CYP2S1: variants seen among roughly 807,000 people sequenced by gnomAD.
CYP2S1 encodes cytochrome P450 2S1.
In CYP2S1, 32 loss-of-function variants were observed where a neutral mutation model predicts 43.5. That is an observed-to-expected ratio of 0.74 (90% confidence interval 0.56 to 0.99). CYP2S1 has a LOEUF of 0.99. Ranked by LOEUF, CYP2S1 falls within the 50% of genes least tolerant of loss-of-function variation. CYP2S1 has a pLI of 0.00. For synonymous variants in CYP2S1, 283 were observed against 302.9 expected (o/e 0.93, Z 0.68); for missense variants, 575 against 673.9 (o/e 0.85, Z 1.62).
intron 1 of CYP2S1, 147 bp downstream of exon 1, chr19:41,193,588 T>C: frequency 7.6e-7 from 1 of 1,320,584 alleles, no homozygotes; most frequent in Non-Finnish European, 9.6e-7. Flanking sequence ...TGTCCTGGGG[T>C]TGGGGGCAGG....
intron 6 of CYP2S1, 53 bp downstream of exon 6, chr19:41,201,425 G>A: frequency 6.3e-7 from 1 of 1,590,306 alleles, no homozygotes; most frequent in South Asian, 1.1e-5. Context: ...AGGGTTCTAG[G>A]CTGAGCAAGG....
In CYP2S1 at chr19:41,198,952, A is replaced by C; in HGVS notation, c.834+64A>C. 2 of 1,548,710 alleles carry C rather than the reference A, an allele frequency of 1.3e-6. No individual in the cohort carries two copies. The highest frequency in any genetic ancestry group is 2.3e-5 in the East Asian group (1 of 43,976). ...GTGGTGACCTGGCAGGTCCCCAGCC[A>C]GGTGTCCCTGGGGACCTCAATTGGG... On this transcript the variant is annotated intron_variant, in intron 5 of 8. Coordinates refer to ENST00000310054, the MANE Select transcript of CYP2S1 (RefSeq NM_030622.8). The surrounding 1 kb of genome is among the most constrained non-coding windows in gnomAD (Gnocchi z 4.9).
At position 41,193,349 on chromosome 19, in the gene CYP2S1, C is replaced by G; in HGVS notation, c.85C>G (p.Arg29Gly). 6.5e-7 allele frequency: 1 copy of G among 1,536,774 alleles called. No homozygotes were observed. The highest frequency in any genetic ancestry group is 2.5e-5 in the East Asian group (1 of 39,972). ...GCTGGCGCTGTCCGGGACCAGGGCC[C>G]GAGGCCACCTGCCCCCCGGGCCCAC... ...LTLALSGTRA[R>G]GHLPPGPTPL... Residue 29 changes from arginine to glycine, a missense_variant, in exon 1 of 9, where the codon CGA becomes GGA. Arg to Gly is a moderately radical substitution (Grantham distance 125). Coordinates refer to ENST00000310054, the MANE Select transcript of CYP2S1 (RefSeq NM_030622.8).
chr19:41,200,223 A>G (rs1433789195), intron 5 of CYP2S1, among the ~76,000 whole-genome samples: 1 of 152,104 alleles, frequency 6.6e-6, no homozygotes, highest in Non-Finnish European at 1.5e-5. Flanking sequence ...CATAACGTTT[A>G]CCATCTTAAC....
Position 41,203,467 on chromosome 19 carries a change from C to A in CYP2S1, c.994C>A (p.Leu332Met). 2 of 1,607,716 alleles carry A rather than the reference C, an allele frequency of 1.2e-6. No individual in the cohort carries two copies. The highest frequency in any genetic ancestry group is 3.4e-5 in the Admixed American group (2 of 59,312). ...PHVQKWVREE[L>M]NRELGAGQAP... ...GCTTGCAGAGTGGGTACGTGAGGAG[C>A]TGAATCGGGAGCTGGGGGCTGGCCA... Residue 332 changes from leucine (L) to methionine (M), a missense_variant, in exon 7 of 9, where the codon CTG becomes ATG. Transcript: ENST00000310054.
At chr19:41,204,592 CTTTT>C (rs553640679) in intron 7 of CYP2S1, among the ~76,000 whole-genome samples, 8 of 109,026 alleles carry the variant, frequency 7.3e-5, no homozygotes, top group Admixed American at 1.9e-4. Context: ...TCTTCTTCTT[CTTTT>C]TTTTTTTTTT....
In CYP2S1 at chr19:41,198,321, C is replaced by T. The variant is rs993982302; in HGVS notation, c.494-141C>T. 1.7e-5 allele frequency: 18 copies of T among 1,085,308 alleles called. No homozygotes were observed. In the Middle Eastern group the frequency reaches 8.2e-4, roughly 49 times the overall value. The allele number at this position is 1,085,308 out of a possible 1,614,324, so 67.2% of individuals were successfully genotyped here. On this transcript the variant is annotated intron_variant, in intron 3 of 8. Transcript: ENST00000310054. The surrounding 1 kb of genome is among the most constrained non-coding windows in gnomAD (Gnocchi z 4.9). ...TCTGTCCCTATCTGTCTGTATCCTTCTTTGCCTGTTTAGCTCTCTCCCTGC... is the reference window on the plus strand; with the variant it reads ...TCTGTCCCTATCTGTCTGTATCCTTTTTTGCCTGTTTAGCTCTCTCCCTGC...
intron 7 of CYP2S1, among the ~76,000 whole-genome samples, chr19:41,205,481 T>C (rs1052197584): frequency 6.7e-6 from 1 of 150,278 alleles, no homozygotes; most frequent in Non-Finnish European, 1.5e-5. Flanking sequence ...CTTCCTTTCT[T>C]CCTTCCTCCC....
chr19:41,206,690 A>C lies in CYP2S1; in HGVS notation c.*202A>C, dbSNP rs1176175998. On this transcript the variant is annotated 3_prime_UTR_variant, in exon 9 of 9. Coordinates refer to ENST00000310054, the MANE Select transcript of CYP2S1 (RefSeq NM_030622.8). ...GATGCACAACCGCACACCCATACAC[A>C]ACTACAAGGGCCACAAAGCAACTGC... 2.5e-6 allele frequency: 2 copies of C among 786,270 alleles called. No individual in the cohort carries two copies. The highest frequency in any genetic ancestry group is 4.6e-6 in the Non-Finnish European group (2 of 438,548). The allele number at this position is 786,270 out of a possible 1,614,324, so 48.7% of individuals were successfully genotyped here. A position where few individuals can be genotyped will look rare whatever the true frequency, so the allele number is the denominator to read the frequency against.
At position 41,206,810 on chromosome 19, in the gene CYP2S1, C is replaced by T. The variant is rs750650298; in HGVS notation, c.*322C>T. On this transcript the variant is annotated 3_prime_UTR_variant, in exon 9 of 9. Transcript: ENST00000310054. ...AACTCCCCTGGATCTGCAGCCCACA[C>T]GTGGGAGTCTGGCTGTCACCTTCAC... The T allele has an allele frequency of 8.0e-5, 43 of 535,638 alleles. No homozygotes were observed. Among genetic ancestry groups the T allele is most frequent in the Non-Finnish European group, 1.2e-4 (33 of 278,366 alleles). 33.2% of individuals were successfully genotyped at this position (535,638 alleles called of 1,614,324 possible).
chr19:41,196,809 T>C (rs2033418616), intron 2 of CYP2S1, among the ~76,000 whole-genome samples: 1 of 152,020 alleles, frequency 6.6e-6, no homozygotes, highest in Non-Finnish European at 1.5e-5. Flanking sequence ...ACCTCTAAAC[T>C]ACATGGGGCA....
chr19:41,203,090 T>C (rs2033511037), intron 6 of CYP2S1, among the ~76,000 whole-genome samples: 1 of 151,384 alleles, frequency 6.6e-6, no homozygotes, highest in African/African-American at 2.4e-5. Context: ...GCAGAGCGTG[T>C]AATCCCAGCT....
In CYP2S1 at chr19:41,198,387, G is replaced by T; in HGVS notation, c.494-75G>T. 6.4e-7 allele frequency: 1 copy of T among 1,569,780 alleles called. No homozygotes were observed. The highest frequency in any genetic ancestry group is 1.2e-5 in the South Asian group (1 of 84,160). ...TTCCCTGCCTCCCTGTCTCTCTCTG[G>T]TTGGGTTCAGCTCCAACCTGCTCCC... On this transcript the variant is annotated intron_variant, in intron 3 of 8. Coordinates refer to ENST00000310054, the MANE Select transcript of CYP2S1 (RefSeq NM_030622.8). The surrounding 1 kb of genome is among the most constrained non-coding windows in gnomAD (Gnocchi z 4.9).
At chr19:41,199,791 C>T (rs2033464525) in intron 5 of CYP2S1, among the ~76,000 whole-genome samples, 2 of 151,606 alleles carry the variant, frequency 1.3e-5, no homozygotes, top group Non-Finnish European at 2.9e-5. Flanking sequence ...ATGGAGAAAC[C>T]CCATCTCTAC....
intron 7 of CYP2S1, 140 bp from the exon 8 acceptor site, chr19:41,205,818 C>T: frequency 1.8e-6 from 2 of 1,118,852 alleles, no homozygotes; most frequent in Non-Finnish European, 2.5e-6. Context: ...CACTGCACGC[C>T]ACTCAACACT....
Position 41,206,767 on chromosome 19 carries a change from A to T in CYP2S1, c.*279A>T. On this transcript the variant is annotated 3_prime_UTR_variant, in exon 9 of 9. Transcript: ENST00000310054. ...ATAGTCCATCTGCAATCACAAGCAC[A>T]TAGCCAGGTAACCCACCAACTCCCC... is the stretch of plus-strand genomic sequence containing the variant. 1 of 650,634 alleles carries T rather than the reference A, an allele frequency of 1.5e-6. No homozygotes were observed. Among genetic ancestry groups the T allele is most frequent in the African/African-American group, 1.8e-5 (1 of 56,664 alleles). 40.3% of individuals were successfully genotyped at this position (650,634 alleles called of 1,614,324 possible). A position where few individuals can be genotyped will look rare whatever the true frequency, so the allele number is the denominator to read the frequency against.
chr19:41,203,737 G>A, intron 7 of CYP2S1, 100 bp downstream of exon 7: 3 of 1,129,332 alleles, frequency 2.7e-6, no homozygotes, highest in South Asian at 3.6e-5. Flanking sequence ...TGATCTTAGT[G>A]TCTCTCTCTC....
Position 41,206,519 on chromosome 19 carries a change from A to G in CYP2S1, c.*31A>G, listed in dbSNP as rs338583. The G allele has an allele frequency of 0.29, 463,220 of 1,613,084 alleles. 70,125 individuals carry two copies. The highest frequency in any genetic ancestry group is 0.55 in the African/African-American group (41,481 of 74,918). ...GGCAACTTGGAAGTGGTGGGTGCCC[A>G]GGACGGTGCCTCCAGCCTCAACAGT... On this transcript the variant is annotated 3_prime_UTR_variant, in exon 9 of 9. Transcript: ENST00000310054.
rs909491571 is a variant in CYP2S1 at position 41,193,330 on chromosome 19, G to C, written c.66G>C (p.Ala22=). The part of the protein sequence containing the change: ...ALALLLLLTL[A]LSGTRARGHL... ...CGCTGCTCCTGCTGCTGACGCTGGC[G>C]CTGTCCGGGACCAGGGCCCGAGGCC... The change falls in exon 1 of 9, where the codon GCG becomes GCC. Residue 22 remains alanine, a synonymous_variant. Transcript: ENST00000310054. 6.5e-7 allele frequency: 1 copy of C among 1,540,960 alleles called. No individual in the cohort carries two copies. Among genetic ancestry groups the C allele is most frequent in the African/African-American group, 1.4e-5 (1 of 72,068 alleles).
Sources: allele counts gnomAD v4.1 joint callset (sites outside exome capture counted in the v4.1 genomes callset), GRCh38; gene constraint gnomAD v4.1.1; non-coding constraint Gnocchi (gnomAD v3.1); transcripts MANE v1.5; gene names NCBI Gene and HGNC (gene_info 2026-07-23, HGNC 2026-07-21).